Variants in EFCC1 observed in about 807,000 individuals in gnomAD.
The protein encoded by EFCC1 is EF-hand and coiled-coil domain containing 1, also known as EF-hand and coiled-coil domain-containing protein 1.
A neutral mutation model predicts 52.1 loss-of-function variants in EFCC1; 50 were observed. That is an observed-to-expected ratio of 0.96 (90% CI 0.76 to 1.21). The LOEUF is 1.21. Among genes scored for constraint, EFCC1 ranks in the 50% most tolerant of loss-of-function variants. The pLI, the probability that EFCC1 is intolerant of heterozygous loss-of-function variation, is 0.00. For synonymous variants in EFCC1, 399 were observed against 396.5 expected (o/e 1.01, Z -0.08); for missense variants, 837 against 867.3 (o/e 0.97, Z 0.44).
At chr3:129,035,522 G>A (rs1336547988) in intron 5 of EFCC1, among the ~76,000 whole-genome samples, 1 of 152,252 alleles carries the variant, frequency 6.6e-6, no homozygotes, top group African/African-American at 2.4e-5. Flanking sequence ...ACAGAAGGTA[G>A]CAGGCCCTGG....
chr3:129,018,225 T>A (rs1021245312), intron 2 of EFCC1, among the ~76,000 whole-genome samples: 1 of 152,280 alleles, frequency 6.6e-6, no homozygotes, highest in South Asian at 2.1e-4. Context: ...TTTGCCTCCA[T>A]AGGGAGACAA....
intron 2 of EFCC1, chr3:129,030,425 G>T: frequency 3.6e-6 from 1 of 277,374 alleles, no homozygotes; most frequent in Non-Finnish European, 6.7e-6. Flanking sequence ...AGGAAGGAAG[G>T]GGCATTTCTT....
At chr3:129,027,002 G>T (rs1430298510) in intron 2 of EFCC1, among the ~76,000 whole-genome samples, 1 of 152,158 alleles carries the variant, frequency 6.6e-6, no homozygotes, top group Non-Finnish European at 1.5e-5. Flanking sequence ...GTTACTAAGG[G>T]TCCTGTTTCT....
rs144553750 is a variant in EFCC1, at chr3:129,005,970, T to G, written c.980+1893T>G. ...TCACAACTAGTCCTCTATAGCAGAA[T>G]GCTACAAGTGACTACAAACATTGGC... On this transcript the variant is annotated intron_variant, in intron 2 of 7. Coordinates refer to ENST00000683648, the MANE Select transcript of EFCC1 (RefSeq NM_001377500.1). Among the ~76,000 whole-genome samples the G allele has an allele frequency of 2.6e-5, 4 of 152,398 alleles. No homozygotes were observed. The East Asian group carries it at 7.7e-4, about 29-fold the overall frequency.
At position 129,001,478 on chromosome 3, in the gene EFCC1, A is replaced by T; in HGVS notation, c.-151A>T. On this transcript the variant is annotated 5_prime_UTR_variant, in exon 1 of 8. Transcript: ENST00000683648. ...GGTAAACCAGACGCACTGTGAGGCC[A>T]GCGCAGCTGCTGGACACGGTCCCCG... 1 of 1,234,768 alleles carries T rather than the reference A, an allele frequency of 8.1e-7. No homozygotes were observed. The highest frequency in any genetic ancestry group is 1.0e-6 in the Non-Finnish European group (1 of 965,640). 76.5% of individuals were successfully genotyped at this position (1,234,768 alleles called of 1,614,324 possible).
Position 129,037,221 on chromosome 3 carries a change from G to A in EFCC1, c.1593+104G>A, listed in dbSNP as rs575587336. On this transcript the variant is annotated intron_variant, in intron 6 of 7. Coordinates refer to ENST00000683648, the MANE Select transcript of EFCC1 (RefSeq NM_001377500.1). ...AGGCTCTAGGCTCTCCTTACAGTAG[G>A]CAGCTGTTATCCCATTTTACAGATG... 11 of 1,399,742 alleles carry A rather than the reference G, an allele frequency of 7.9e-6. No homozygotes were observed. The East Asian group carries it at 2.6e-4, about 33-fold the overall frequency. The allele number at this position is 1,399,742 out of a possible 1,614,324, so 86.7% of individuals were successfully genotyped here. A position where few individuals can be genotyped will look rare whatever the true frequency, so the allele number is the denominator to read the frequency against.
At chr3:129,039,511 G>A (rs1946397553) in intron 7 of EFCC1, among the ~76,000 whole-genome samples, 1 of 152,222 alleles carries the variant, frequency 6.6e-6, no homozygotes, top group African/African-American at 2.4e-5. Context: ...TGCCCTCATG[G>A]AGGAGATCAG....
chr3:129,001,905 G>GCCA lies in EFCC1; in HGVS notation c.282_284dup (p.Thr95dup). On this transcript the variant is annotated inframe_insertion, in exon 1 of 8. Coordinates refer to ENST00000683648, the MANE Select transcript of EFCC1 (RefSeq NM_001377500.1). ...TGTGCTGGGGCTGCGCGCGGAGGGG[G>GCCA]CCACCACGGCCGGGCAGGCAGCAGG... 1 of 1,537,886 alleles carries GCCA rather than the reference G, an allele frequency of 6.5e-7. No individual in the cohort carries two copies. Among genetic ancestry groups the GCCA allele is most frequent in the Non-Finnish European group, 8.8e-7 (1 of 1,140,862 alleles).
At chr3:129,032,405 T>C (rs1212224692) in intron 3 of EFCC1, among the ~76,000 whole-genome samples, 1 of 151,676 alleles carries the variant, frequency 6.6e-6, no homozygotes, top group Non-Finnish European at 1.5e-5. Flanking sequence ...CCCAACACTT[T>C]GGGAGGCTGA....
intron 2 of EFCC1, among the ~76,000 whole-genome samples, chr3:129,015,893 G>A (rs1175489064): frequency 6.6e-6 from 1 of 152,172 alleles, no homozygotes; most frequent in African/African-American, 2.4e-5. Context: ...GGAAGCCGCT[G>A]TGTGCGAACC....
chr3:129,011,302 A>G (rs1456716971), intron 2 of EFCC1, among the ~76,000 whole-genome samples: 2 of 152,166 alleles, frequency 1.3e-5, no homozygotes, highest in Non-Finnish European at 2.9e-5. Flanking sequence ...TGTAATCCCA[A>G]CACTTTGGGA....
intron 2 of EFCC1, among the ~76,000 whole-genome samples, chr3:129,017,493 CT>C (rs1945639631): frequency 6.6e-6 from 1 of 152,230 alleles, no homozygotes; most frequent in Non-Finnish European, 1.5e-5. Context: ...TCTGGACCCC[CT>C]GGGAAAGCCC....
At chr3:129,021,010 G>A (rs903004917) in intron 2 of EFCC1, among the ~76,000 whole-genome samples, 1 of 152,204 alleles carries the variant, frequency 6.6e-6, no homozygotes, top group African/African-American at 2.4e-5. Context: ...GCATCTCCTT[G>A]GGAGCAGTAT....
intron 2 of EFCC1, among the ~76,000 whole-genome samples, chr3:129,019,560 C>A (rs1447307430): frequency 6.6e-6 from 1 of 152,146 alleles, no homozygotes; most frequent in Non-Finnish European, 1.5e-5. Context: ...GAGAGAACTA[C>A]AGTTCTGGGA....
In EFCC1 at chr3:129,002,077, G is replaced by A. The variant is rs1944802962; in HGVS notation, c.449G>A (p.Cys150Tyr). Residue 150 changes from cysteine to tyrosine, a missense_variant, in exon 1 of 8, where the codon TGT becomes TAT. Physicochemically the swap from Cys to Tyr is radical, Grantham distance 194 (BLOSUM62 -2). Coordinates refer to ENST00000683648, the MANE Select transcript of EFCC1 (RefSeq NM_001377500.1). ...LTFRQFHARL[C>Y]GYFGTRAGPR... is the part of the protein sequence containing the mutation. Reference sequence around the variant, plus strand: ...TTCCGCCAGTTCCACGCGCGCCTCTGTGGCTACTTCGGCACCCGTGCGGGG... The same window carrying A: ...TTCCGCCAGTTCCACGCGCGCCTCTATGGCTACTTCGGCACCCGTGCGGGG... 6.5e-7 allele frequency: 1 copy of A among 1,532,878 alleles called. No homozygotes were observed. Among genetic ancestry groups the A allele is most frequent in the East Asian group, 2.6e-5 (1 of 39,214 alleles). The allele number at this position is 1,532,878 out of a possible 1,614,324, so 95.0% of individuals were successfully genotyped here.
chr3:129,024,633 G>C (rs1946020621), intron 2 of EFCC1, among the ~76,000 whole-genome samples: 1 of 152,146 alleles, frequency 6.6e-6, no homozygotes, highest in Non-Finnish European at 1.5e-5. Context: ...TAGGCTTCTT[G>C]GTGCACCGTT....
rs1265197961 is a variant in EFCC1, at chr3:129,031,333, G to A, written c.1138+473G>A. Among the ~76,000 whole-genome samples the A allele has an allele frequency of 2.0e-5, 3 of 152,168 alleles. No individual in the cohort carries two copies. In the South Asian group the frequency reaches 6.2e-4, roughly 31 times the overall value. ...ATAGTCCCAGCTACTCGGAGGGGGA[G>A]TGGGGGCTGAGGCAGAAGGATCACT... is the stretch of plus-strand genomic sequence containing the variant. On this transcript the variant is annotated intron_variant, in intron 3 of 7. Coordinates refer to ENST00000683648, the MANE Select transcript of EFCC1 (RefSeq NM_001377500.1).
chr3:129,025,127 G>C (rs1028187903), intron 2 of EFCC1, among the ~76,000 whole-genome samples: 14 of 152,178 alleles, frequency 9.2e-5, no homozygotes, highest in African/African-American at 3.4e-4. Flanking sequence ...TCAGGAACTG[G>C]ATCTGAGCCC....
At chr3:129,012,716 A>G (rs972927183) in intron 2 of EFCC1, among the ~76,000 whole-genome samples, 2 of 152,234 alleles carry the variant, frequency 1.3e-5, no homozygotes, top group African/African-American at 4.8e-5. Flanking sequence ...GACAACTCCC[A>G]AAACGAAGGT....
Sources: gnomAD v4.1 joint callset for allele counts (sites outside exome capture counted in the v4.1 genomes callset) on GRCh38, gnomAD v4.1.1 for gene constraint, MANE v1.5 for transcripts, NCBI Gene and HGNC (gene_info 2026-07-23, HGNC 2026-07-21) for gene names.